ASIC2: variants seen among roughly 807,000 people sequenced by gnomAD.
ASIC2 encodes acid sensing ion channel subunit 2, also known as acid-sensing ion channel 2.
Under a neutral mutation model 57.3 loss-of-function variants are expected in ASIC2, and 25 were observed. The ratio of observed to expected loss-of-function variants is 0.44; its 90% CI spans 0.32 to 0.61. The LOEUF (loss-of-function observed/expected upper bound fraction) is 0.61, where lower values mean the gene tolerates loss of function less well. Among genes scored for constraint, ASIC2 ranks in the 20% least tolerant of loss-of-function variants. The pLI is 0.06. For synonymous variants in ASIC2, 319 were observed against 307.5 expected (o/e 1.04, Z -0.39); for missense variants, 641 against 738.1 (o/e 0.87, Z 1.52).
intron 1 of ASIC2, chr17:34,039,588 C>T: frequency 6.2e-7 from 1 of 1,613,936 alleles, no homozygotes; most frequent in Non-Finnish European, 8.5e-7. Flanking sequence ...TGGTTCCCGG[C>T]CCGCTTCCCC....
intron 1 of ASIC2, among the ~76,000 whole-genome samples, chr17:33,126,854 C>CT (rs2092324933): frequency 1.2e-5 from 1 of 85,974 alleles, no homozygotes; most frequent in Non-Finnish European, 2.2e-5. Context: ...CCTACCATTA[C>CT]TCTTTTTTTT....
At chr17:33,996,625 A>G (rs897247232) in intron 1 of ASIC2, among the ~76,000 whole-genome samples, 1 of 152,158 alleles carries the variant, frequency 6.6e-6, no homozygotes, top group Non-Finnish European at 1.5e-5. Flanking sequence ...TCCTTCTCCC[A>G]TTGTGTGTTC....
intron 8 of ASIC2, 58 bp downstream of exon 8, chr17:33,017,547 G>A (rs2091813577): frequency 2.1e-6 from 3 of 1,446,358 alleles, no homozygotes; most frequent in South Asian, 1.2e-5. Context: ...TCTGAACCTG[G>A]GGCACGATGA....
intron 1 of ASIC2, among the ~76,000 whole-genome samples, chr17:33,264,710 T>G (rs73982487): frequency 0.088 from 13,409 of 152,314 alleles, 772 homozygotes; most frequent in South Asian, 0.23. Context: ...TGGGTTGGGC[T>G]AACTCAGTTC....
At chr17:33,142,994 C>A (rs1450475396) in intron 1 of ASIC2, among the ~76,000 whole-genome samples, 1 of 152,070 alleles carries the variant, frequency 6.6e-6, no homozygotes, top group African/African-American at 2.4e-5. Context: ...ACATATAAAC[C>A]AAAAAGCTCA....
chr17:33,055,433 C>T (rs2091994062), intron 3 of ASIC2, among the ~76,000 whole-genome samples: 1 of 152,202 alleles, frequency 6.6e-6, no homozygotes, highest in South Asian at 2.1e-4. Flanking sequence ...CGAGAACTTC[C>T]TGCTCCCCCG....
intron 1 of ASIC2, among the ~76,000 whole-genome samples, chr17:33,639,707 C>T (rs1272944456): frequency 3.8e-5 from 5 of 131,134 alleles, no homozygotes; most frequent in Admixed American, 8.5e-5. Flanking sequence ...AAAGGGGTGG[C>T]ATAAAAATCT....
At chr17:33,332,899 AC>A (rs145782997) in intron 1 of ASIC2, among the ~76,000 whole-genome samples, 3,040 of 152,260 alleles carry the variant, frequency 0.02, 102 homozygotes, top group African/African-American at 0.07. Context: ...TCAAAACAAA[AC>A]AAATAATAAA....
At chr17:33,521,764 G>A (rs181789211) in intron 1 of ASIC2, among the ~76,000 whole-genome samples, 31 of 152,242 alleles carry the variant, frequency 2.0e-4, no homozygotes, top group African/African-American at 6.7e-4. Flanking sequence ...CATGCCCCAC[G>A]GTCATCATCT....
At chr17:33,605,984 G>A (rs772040738) in intron 1 of ASIC2, among the ~76,000 whole-genome samples, 3 of 152,202 alleles carry the variant, frequency 2.0e-5, no homozygotes, top group African/African-American at 4.8e-5. Context: ...TGACACAGCC[G>A]TGAGACTGCC....
chr17:33,490,342 C>A (rs908288157), intron 1 of ASIC2, among the ~76,000 whole-genome samples: 4 of 152,204 alleles, frequency 2.6e-5, no homozygotes, highest in African/African-American at 9.7e-5. Context: ...CGTTAGGTGG[C>A]CTGTGATTTT....
Position 33,432,743 on chromosome 17 carries a change from G to T in ASIC2, c.556-320676C>A, listed in dbSNP as rs555543025. Among the ~76,000 whole-genome samples the T allele has an allele frequency of 2.5e-4, 38 of 152,014 alleles. No individual in the cohort carries two copies. In the Middle Eastern group the frequency reaches 0.01, roughly 41 times the overall value. The stretch of plus-strand genomic sequence containing the variant: ...GGAGTCCATTAAAAAGTGGGCAAAG[G>T]ACATGAACAGACACTTTTCAAAAGA... On this transcript the variant is annotated intron_variant, in intron 1 of 9. Coordinates refer to the ASIC2 transcript ENST00000359872.
chr17:33,752,850 G>A (rs1464741177), intron 1 of ASIC2, among the ~76,000 whole-genome samples: 1 of 152,184 alleles, frequency 6.6e-6, no homozygotes, highest in Non-Finnish European at 1.5e-5. Flanking sequence ...ATTGCTGGTG[G>A]GAATACACAA....
intron 1 of ASIC2, among the ~76,000 whole-genome samples, chr17:33,426,810 C>T (rs1345543133): frequency 6.6e-6 from 1 of 152,164 alleles, no homozygotes; most frequent in Non-Finnish European, 1.5e-5. Context: ...AGCAAGTAAT[C>T]ACACAAATGC....
intron 1 of ASIC2, among the ~76,000 whole-genome samples, chr17:33,273,360 T>G (rs928212024): frequency 8.5e-5 from 13 of 152,250 alleles, no homozygotes; most frequent in African/African-American, 3.1e-4. Context: ...TTTTCTGTTT[T>G]TCCCATCTCA....
intron 4 of ASIC2, 74 bp from the exon 5 acceptor site, chr17:33,026,056 G>C: frequency 6.5e-7 from 1 of 1,550,282 alleles, no homozygotes; most frequent in Non-Finnish European, 8.8e-7. Flanking sequence ...TCTGCTTTGG[G>C]CTTAGGGAAA....
intron 1 of ASIC2, among the ~76,000 whole-genome samples, chr17:33,607,590 A>C (rs778069179): frequency 2.0e-5 from 3 of 152,194 alleles, no homozygotes; most frequent in Non-Finnish European, 4.4e-5. Context: ...TGTGGGAATG[A>C]TAACAGTAAG....
At chr17:34,101,350 T>C (rs1598026924) in intron 1 of ASIC2, among the ~76,000 whole-genome samples, 1 of 152,222 alleles carries the variant, frequency 6.6e-6, no homozygotes, top group Admixed American at 6.5e-5. Flanking sequence ...GAAGCCCCTC[T>C]GTTTTTCCCC....
chr17:33,608,533 AT>A (rs1327965438), intron 1 of ASIC2, among the ~76,000 whole-genome samples: 2 of 151,664 alleles, frequency 1.3e-5, no homozygotes, highest in African/African-American at 2.4e-5. Flanking sequence ...CCTTATATGC[AT>A]GGTGGGGTGG....
Sources: gnomAD v4.1 joint callset for allele counts (sites outside exome capture counted in the v4.1 genomes callset) on GRCh38, gnomAD v4.1.1 for gene constraint, MANE v1.5 for transcripts, NCBI Gene and HGNC (gene_info 2026-07-23, HGNC 2026-07-21) for gene names.